TCN2: variants seen among roughly 807,000 people sequenced by gnomAD.
The protein encoded by TCN2 is transcobalamin 2, also known as transcobalamin-2.
TCN2 carries 34 observed loss-of-function variants against 48.6 expected under a neutral mutation model. That is an observed-to-expected ratio of 0.70 (90% CI 0.53 to 0.93). The LOEUF (loss-of-function observed/expected upper bound fraction) is 0.93. TCN2 is among the 40% of genes least tolerant of loss of function. The pLI is 0.00. For synonymous variants in TCN2, 283 were observed against 212.5 expected (o/e 1.33, Z -2.89); for missense variants, 652 against 526.1 (o/e 1.24, Z -2.34).
In TCN2 at chr22:30,614,458, T is replaced by G. The variant is rs1399713830; in HGVS notation, c.537T>G (p.Leu179=). Residue 179 remains leucine (L), a synonymous_variant, in exon 4 of 9, where the codon CTT becomes CTG. Transcript: ENST00000215838. ...TCCATGACAGCGTGGTGGACAAACT[T>G]CTGTATGCTGTGGAACCTTTCCACC... ...KRVHDSVVDK[L]LYAVEPFHQG... 4.3e-6 allele frequency: 7 copies of G among 1,614,112 alleles called. No homozygotes were observed. The highest frequency in any genetic ancestry group is 5.9e-6 in the Non-Finnish European group (7 of 1,180,014).
rs1401288567 is a variant in TCN2, at chr22:30,610,736, C to G, written c.65-135C>G. The G allele has an allele frequency of 4.7e-6, 4 of 859,820 alleles. No homozygotes were observed. The East Asian group carries it at 7.8e-5, about 17-fold the overall frequency. 53.3% of individuals were successfully genotyped at this position (859,820 alleles called of 1,614,324 possible). A position where few individuals can be genotyped will look rare whatever the true frequency, so the allele number is the denominator to read the frequency against. On this transcript the variant is annotated intron_variant, in intron 1 of 8. Coordinates refer to ENST00000215838, the MANE Select transcript of TCN2 (RefSeq NM_000355.4). Reference sequence around the variant, plus strand: ...CCTTTCAGTATGGCTGCATTTCCCCCTGCAAGTTGGTGTGTGCTGGGTGGA... The same window carrying G: ...CCTTTCAGTATGGCTGCATTTCCCCGTGCAAGTTGGTGTGTGCTGGGTGGA...
intron 2 of TCN2, among the ~76,000 whole-genome samples, chr22:30,612,175 A>G (rs1420037488): frequency 6.6e-6 from 1 of 152,096 alleles, no homozygotes; most frequent in African/African-American, 2.4e-5. Context: ...AGGCTGAGAA[A>G]TCGAGGCTAC....
intron 2 of TCN2, 27 bp from the exon 3 acceptor site, chr22:30,612,846 C>G (rs1190795965): frequency 6.2e-7 from 1 of 1,612,284 alleles, no homozygotes; most frequent in Non-Finnish European, 8.5e-7. Context: ...CAGTTTCTCA[C>G]AAAGGCATTA....
intron 8 of TCN2, among the ~76,000 whole-genome samples, chr22:30,623,998 A>ATATATATGTATACATATATACACACT (rs2087761558): frequency 1.5e-5 from 1 of 65,738 alleles, no homozygotes; most frequent in Non-Finnish European, 2.5e-5. Flanking sequence ...ATATACACAC[A>ATATATATGTATACATATATACACACT]TATATATGTA....
intron 8 of TCN2, among the ~76,000 whole-genome samples, chr22:30,625,100 C>T (rs1047211045): frequency 1.1e-4 from 16 of 151,888 alleles, no homozygotes; most frequent in African/African-American, 2.4e-4. Context: ...CACCTGTAAT[C>T]CCAGCTACTC....
Position 30,623,043 on chromosome 22 carries a change from C to T in TCN2, c.1182C>T (p.Phe394=), listed in dbSNP as rs1325300099. The change falls in exon 8 of 9, where the codon TTC becomes TTT. Residue 394 remains phenylalanine, a synonymous_variant. Transcript: ENST00000215838. ...GGAAAGCGGCCGGAGAAAGGGAGTT[C>T]TGGCAGCTTCTCCGAGACCCCAACA... is the stretch of plus-strand genomic sequence containing the variant. ...VMGKAAGERE[F]WQLLRDPNTP... 6 of 1,614,060 alleles carry T rather than the reference C, an allele frequency of 3.7e-6. No individual in the cohort carries two copies. The highest frequency in any genetic ancestry group is 5.1e-6 in the Non-Finnish European group (6 of 1,180,010).
chr22:30,607,189 C>A lies in TCN2; in HGVS notation c.-143C>A. 1 of 905,580 alleles carries A rather than the reference C, an allele frequency of 1.1e-6. No homozygotes were observed. The highest frequency in any genetic ancestry group is 1.8e-6 in the Non-Finnish European group (1 of 550,882). 56.1% of individuals were successfully genotyped at this position (905,580 alleles called of 1,614,324 possible). A position where few individuals can be genotyped will look rare whatever the true frequency, so the allele number is the denominator to read the frequency against. ...CCACCCCTCTGCAGACTTAGCCGTG[C>A]ATTGCAGGCATGGAGGATTAATCAG... On this transcript the variant is annotated 5_prime_UTR_variant, in exon 1 of 9. Coordinates refer to ENST00000215838, the MANE Select transcript of TCN2 (RefSeq NM_000355.4).
intron 7 of TCN2, among the ~76,000 whole-genome samples, chr22:30,621,691 C>G (rs2267165): frequency 0.029 from 4,450 of 152,234 alleles, 255 homozygotes; most frequent in East Asian, 0.25. Context: ...ACCATGTTGT[C>G]CAGGCTGGTC....
intron 3 of TCN2, among the ~76,000 whole-genome samples, chr22:30,613,419 A>T (rs767595434): frequency 1.3e-5 from 2 of 152,192 alleles, no homozygotes; most frequent in Non-Finnish European, 2.9e-5. Flanking sequence ...AGCTGGGATT[A>T]CAGGCATGCG....
In TCN2 at chr22:30,610,856, A is replaced by G. The variant is rs764028494; in HGVS notation, c.65-15A>G. 2.5e-6 allele frequency: 4 copies of G among 1,614,012 alleles called. No homozygotes were observed. In the South Asian group the frequency reaches 3.3e-5, roughly 13 times the overall value. On this transcript the variant is annotated splice_polypyrimidine_tract_variant and intron_variant, in intron 1 of 8. Transcript: ENST00000215838. The stretch of plus-strand genomic sequence containing the variant: ...CTGGCCCTGTGACCTCATTTGTACC[A>G]TTTTCTTTTCTAAGAAATACCAGAG...
Position 30,615,455 on chromosome 22 carries a change from C to T in TCN2, c.735C>T (p.Ser245=), listed in dbSNP as rs755751120. The change falls in exon 5 of 9, where the codon AGC becomes AGT. Residue 245 remains serine (S), a synonymous_variant. Transcript: ENST00000215838. ...TPEGHFGNVY[S]TPLALQFLMT... ...AGGGCCACTTTGGGAATGTCTACAG[C>T]ACCCCATTGGCATTACAGGTGGGAA... 9 of 1,614,056 alleles carry T rather than the reference C, an allele frequency of 5.6e-6. No homozygotes were observed. Among genetic ancestry groups the T allele is most frequent in the Non-Finnish European group, 7.6e-6 (9 of 1,180,052 alleles).
In TCN2 at chr22:30,615,517, CAG is replaced by C. The variant is rs139588634; in HGVS notation, c.753+45_753+46del. 312,556 of 1,613,688 alleles carry C rather than the reference CAG, an allele frequency of 0.19. 32,618 individuals carry two copies. The highest frequency in any genetic ancestry group is 0.24 in the Middle Eastern group (1,450 of 6,060). The stretch of plus-strand genomic sequence containing the variant: ...AGCCATGGCCACCCTGGGGAACAGT[CAG>C]GGGTGGAGTGGTCAGGTGCTGGAAC... On this transcript the variant is annotated intron_variant, in intron 5 of 8. Coordinates refer to ENST00000215838, the MANE Select transcript of TCN2 (RefSeq NM_000355.4).
At position 30,612,880 on chromosome 22, in the gene TCN2, T is replaced by C. The variant is rs35915865; in HGVS notation, c.265T>C (p.Phe89Leu). Residue 89 changes from phenylalanine (F) to leucine (L), a missense_variant, in exon 3 of 9, where the codon TTC becomes CTC. Coordinates refer to ENST00000215838, the MANE Select transcript of TCN2 (RefSeq NM_000355.4). ...TAACTGGCCTTGTCCTAGGTCTGCCTTCAGCGAGGATGACGGTGACTGCCA... is the reference window on the plus strand; with the variant it reads ...TAACTGGCCTTGTCCTAGGTCTGCCCTCAGCGAGGATGACGGTGACTGCCA... ...GYQQCLLGSA[F>L]SEDDGDCQGK... 26,468 of 1,613,682 alleles carry C rather than the reference T, an allele frequency of 0.016. 278 individuals carry two copies. The highest frequency in any genetic ancestry group is 0.019 in the Non-Finnish European group (22,530 of 1,180,008).
intron 3 of TCN2, 92 bp downstream of exon 3, chr22:30,613,134 C>A: frequency 7.9e-6 from 12 of 1,514,010 alleles, no homozygotes; most frequent in Non-Finnish European, 1.1e-5. Flanking sequence ...TGGGTTTTCT[C>A]CCCAGGCGTC....
intron 7 of TCN2, among the ~76,000 whole-genome samples, chr22:30,620,110 T>C (rs2087675722): frequency 6.6e-6 from 1 of 152,028 alleles, no homozygotes; most frequent in African/African-American, 2.4e-5. Flanking sequence ...CAAGCTATGA[T>C]GACGTCACTG....
At chr22:30,622,432 A>G (rs186627288) in intron 7 of TCN2, among the ~76,000 whole-genome samples, 2 of 152,312 alleles carry the variant, frequency 1.3e-5, no homozygotes, top group African/African-American at 4.8e-5. Context: ...CCGAACTCCA[A>G]GCCTCTCCAC....
chr22:30,626,570 A>G lies in TCN2; in HGVS notation c.*49A>G, dbSNP rs2087814344. The G allele has an allele frequency of 6.2e-7, 1 of 1,600,778 alleles. No individual in the cohort carries two copies. The highest frequency in any genetic ancestry group is 8.5e-7 in the Non-Finnish European group (1 of 1,169,674). ...AGCCTCGCACACTCCCTAGGCTTCT[A>G]CCCTCCCTCCTGATGTCCCTGGAAC... On this transcript the variant is annotated 3_prime_UTR_variant, in exon 9 of 9. Transcript: ENST00000215838.
intron 7 of TCN2, among the ~76,000 whole-genome samples, chr22:30,619,489 G>A (rs1008155519): frequency 1.3e-5 from 2 of 152,244 alleles, no homozygotes; most frequent in Non-Finnish European, 2.9e-5. Flanking sequence ...GCTTAGAATA[G>A]TTTGAGAATG....
At chr22:30,619,271 G>T (rs146941606) in intron 7 of TCN2, among the ~76,000 whole-genome samples, 14 of 152,196 alleles carry the variant, frequency 9.2e-5, no homozygotes, top group Admixed American at 9.2e-4. Context: ...GTAGACATGG[G>T]ATTGCTTCAT....
Sources: gnomAD v4.1 joint callset for allele counts (sites outside exome capture counted in the v4.1 genomes callset) on GRCh38, gnomAD v4.1.1 for gene constraint, MANE v1.5 for transcripts, NCBI Gene and HGNC (gene_info 2026-07-23, HGNC 2026-07-21) for gene names.